PDE6C: variants seen among roughly 807,000 people sequenced by gnomAD.
PDE6C encodes cone cGMP-specific 3',5'-cyclic phosphodiesterase subunit alpha'.
In PDE6C, 75 loss-of-function variants were observed where a neutral mutation model predicts 113.1. The observed-to-expected ratio is 0.66, with a 90% confidence interval of 0.55 to 0.80. The LOEUF (loss-of-function observed/expected upper bound fraction) is 0.80, where lower values mean the gene tolerates loss of function less well. Among genes scored for constraint, PDE6C ranks in the 30% least tolerant of loss-of-function variants. The pLI, the probability that PDE6C is intolerant of heterozygous loss-of-function variation, is 0.00. For synonymous variants in PDE6C, 375 were observed against 363.7 expected (o/e 1.03, Z -0.35); for missense variants, 912 against 1,038.6 (o/e 0.88, Z 1.67).
intron 1 of PDE6C, 75 bp from the exon 2 acceptor site, chr10:93,620,557 G>A: frequency 4.9e-6 from 7 of 1,432,654 alleles, no homozygotes. Context: ...GAGAGAGAAT[G>A]ATCTGTCATC....
intron 7 of PDE6C, among the ~76,000 whole-genome samples, chr10:93,628,323 G>A (rs545394174): frequency 6.6e-6 from 1 of 152,106 alleles, no homozygotes; most frequent in East Asian, 1.9e-4. Context: ...GGTGGCTCAC[G>A]CCTGTAATCG....
At chr10:93,613,443 T>A (rs2058402764) in intron 1 of PDE6C, among the ~76,000 whole-genome samples, 1 of 152,240 alleles carries the variant, frequency 6.6e-6, no homozygotes, top group Admixed American at 6.5e-5. Context: ...GAAGTATAAG[T>A]ATGTCCCATG....
intron 4 of PDE6C, among the ~76,000 whole-genome samples, chr10:93,623,498 G>A (rs563330748): frequency 4.9e-4 from 74 of 152,206 alleles, no homozygotes; most frequent in South Asian, 1.0e-3. Flanking sequence ...TTTCTTTCAT[G>A]GATTGTGCTT....
rs2058554373 is a variant in PDE6C, at chr10:93,640,533, G to T, written c.1713G>T (p.Gly571=). ...ATTGGCGGCATGGGTTCAACGTGGG[G>T]CAGACCATGTTTACTTTGCTGATGG... is the stretch of plus-strand genomic sequence containing the variant. ...YHNWRHGFNV[G]QTMFTLLMTG... Residue 571 remains glycine (G), a synonymous_variant, in exon 13 of 22, where the codon GGG becomes GGT. Transcript: ENST00000371447. 1.9e-6 allele frequency: 3 copies of T among 1,612,684 alleles called. No homozygotes were observed. The highest frequency in any genetic ancestry group is 2.5e-6 in the Non-Finnish European group (3 of 1,178,714).
chr10:93,641,774 C>T (rs1191989923), intron 14 of PDE6C, among the ~76,000 whole-genome samples: 2 of 152,208 alleles, frequency 1.3e-5, no homozygotes, highest in African/African-American at 4.8e-5. Context: ...CCTTCACCTC[C>T]CTGGTCTTTT....
At chr10:93,655,633 G>GAAAAAAAAAAAAAAAAAAAAAAA in intron 15 of PDE6C, 127 bp from the exon 16 acceptor site, 9 of 539,296 alleles carry the variant, frequency 1.7e-5, no homozygotes, top group Non-Finnish European at 3.0e-5. Flanking sequence ...AAAAAAGGAA[G>GAAAAAAAAAAAAAAAAAAAAAAA]GAAAACAAAA....
chr10:93,646,845 G>C (rs74150302), intron 15 of PDE6C, among the ~76,000 whole-genome samples: 14,024 of 152,146 alleles, frequency 0.092, 969 homozygotes, highest in African/African-American at 0.19. Context: ...TTTGGGTGGA[G>C]ACACAGATCC....
At position 93,665,584 on chromosome 10, in the gene PDE6C, A is replaced by G; in HGVS notation, c.*166A>G. The G allele has an allele frequency of 1.6e-6, 1 of 613,660 alleles. No homozygotes were observed. Among genetic ancestry groups the G allele is most frequent in the South Asian group, 2.0e-5 (1 of 50,904 alleles). 38.0% of individuals were successfully genotyped at this position (613,660 alleles called of 1,614,324 possible). On this transcript the variant is annotated 3_prime_UTR_variant, in exon 22 of 22. Transcript: ENST00000371447. ...CTAGCCCAAAAATCCCAGGGGCAAA[A>G]TAAAGTTCAACAAAAGTGCAAAATA... is the stretch of plus-strand genomic sequence containing the variant.
At chr10:93,627,142 A>G (rs967844759) in intron 7 of PDE6C, among the ~76,000 whole-genome samples, 1 of 151,124 alleles carries the variant, frequency 6.6e-6, no homozygotes, top group Admixed American at 6.6e-5. Flanking sequence ...CATGCCTGTA[A>G]TGCCAGCTAC....
intron 21 of PDE6C, 65 bp downstream of exon 21, chr10:93,663,243 G>A (rs768279341): frequency 1.3e-6 from 2 of 1,492,324 alleles, no homozygotes; most frequent in Non-Finnish European, 1.9e-6. Context: ...TTAATGGCAT[G>A]TGACAAAGCC....
At chr10:93,626,206 T>C (rs542226187) in intron 5 of PDE6C, among the ~76,000 whole-genome samples, 52 of 152,180 alleles carry the variant, frequency 3.4e-4, no homozygotes, top group Non-Finnish European at 6.5e-4. Context: ...AAGTCACTGA[T>C]GAAAGGAGGG....
chr10:93,640,781 T>C, intron 13 of PDE6C, 139 bp from the exon 14 acceptor site: 2 of 710,666 alleles, frequency 2.8e-6, no homozygotes. Context: ...TCACCCACAG[T>C]ACTACAATAC....
chr10:93,634,210 AT>A (rs1479086235), intron 8 of PDE6C, among the ~76,000 whole-genome samples: 1 of 152,056 alleles, frequency 6.6e-6, no homozygotes, highest in Non-Finnish European at 1.5e-5. Context: ...TTTAGTAGAG[AT>A]GGGGTTTCAC....
At chr10:93,652,174 A>G (rs1004921476) in intron 15 of PDE6C, among the ~76,000 whole-genome samples, 5 of 152,326 alleles carry the variant, frequency 3.3e-5, no homozygotes, top group African/African-American at 1.2e-4. Context: ...AAGGCCATAC[A>G]TACCCAAAAT....
At position 93,621,032 on chromosome 10, in the gene PDE6C, C is replaced by T. The variant is rs776321456; in HGVS notation, c.723+52C>T. On this transcript the variant is annotated intron_variant, in intron 3 of 21. Transcript: ENST00000371447. ...CCATGCTGACCTATTCTGACAAAGC[C>T]GCCCAGAGACAACAAATTCAGACCC... The T allele has an allele frequency of 1.4e-5, 21 of 1,481,284 alleles. No homozygotes were observed. The East Asian group carries it at 2.5e-4, about 18-fold the overall frequency. 91.8% of individuals were successfully genotyped at this position (1,481,284 alleles called of 1,614,324 possible).
At chr10:93,632,338 T>C (rs2058505734) in intron 8 of PDE6C, among the ~76,000 whole-genome samples, 1 of 152,164 alleles carries the variant, frequency 6.6e-6, no homozygotes, top group Admixed American at 6.5e-5. Context: ...GATATAGACA[T>C]CTTTGGGGGC....
At chr10:93,637,398 A>G (rs1268427797) in intron 11 of PDE6C, among the ~76,000 whole-genome samples, 1 of 152,166 alleles carries the variant, frequency 6.6e-6, no homozygotes, top group Non-Finnish European at 1.5e-5. Context: ...CACAGAGAAC[A>G]TGACAGAGTT....
chr10:93,642,497 A>G (rs901582506), intron 14 of PDE6C, among the ~76,000 whole-genome samples: 3 of 151,738 alleles, frequency 2.0e-5, no homozygotes, highest in Admixed American at 6.6e-5. Context: ...AAGATGGTCT[A>G]TCTGCCTTAG....
chr10:93,662,168 A>G, intron 19 of PDE6C, 35 bp downstream of exon 19: 2 of 1,407,458 alleles, frequency 1.4e-6, no homozygotes, highest in South Asian at 1.1e-5. Context: ...TTACTTATTA[A>G]AAGTTATCAG....
Sources: gnomAD v4.1 joint callset for allele counts (sites outside exome capture counted in the v4.1 genomes callset) on GRCh38, gnomAD v4.1.1 for gene constraint, MANE v1.5 for transcripts, NCBI Gene and HGNC (gene_info 2026-07-23, HGNC 2026-07-21) for gene names.